The following SULF1 variants were observed in gnomAD, a reference collection of about 807,000 sequenced individuals.
SULF1 encodes extracellular sulfatase Sulf-1.
In SULF1, 46 loss-of-function variants were observed where a neutral mutation model predicts 110.5. That is an observed-to-expected ratio of 0.42 (90% confidence interval 0.33 to 0.53). The LOEUF (loss-of-function observed/expected upper bound fraction) is 0.53, where lower values mean the gene tolerates loss of function less well. Ranked by LOEUF, SULF1 falls within the 20% of genes least tolerant of loss-of-function variation. The probability of loss-of-function intolerance (pLI) is 0.12; values close to 1 mark genes in which losing one functional copy is unlikely to be tolerated. For synonymous variants in SULF1, 371 were observed against 387.1 expected, an observed-to-expected ratio of 0.96 and a Z score of 0.49; for missense variants, 941 against 1,094.2, an observed-to-expected ratio of 0.86 and a Z score of 1.98.
chr8:69,497,314 C>T (rs945862805), intron 2 of SULF1, among the ~76,000 whole-genome samples: 1 of 151,898 alleles, frequency 6.6e-6, no homozygotes, highest in African/African-American at 2.4e-5. Flanking sequence ...CCTGCCACCA[C>T]GCCTGGCTAA....
intron 22 of SULF1, among the ~76,000 whole-genome samples, chr8:69,653,889 C>A (rs1812532148): frequency 1.3e-5 from 2 of 152,138 alleles, no homozygotes; most frequent in South Asian, 2.1e-4. Flanking sequence ...TGCCCTAGTC[C>A]CCTGGCCATG....
At chr8:69,644,990 G>T (rs1175940386) in intron 22 of SULF1, among the ~76,000 whole-genome samples, 3 of 152,158 alleles carry the variant, frequency 2.0e-5, no homozygotes, top group African/African-American at 4.8e-5. Flanking sequence ...AACAAGAGAT[G>T]GAGCAGGGGC....
chr8:69,530,875 C>T (rs1813033452), intron 3 of SULF1, among the ~76,000 whole-genome samples: 2 of 152,150 alleles, frequency 1.3e-5, no homozygotes, highest in Admixed American at 6.5e-5. Flanking sequence ...GTGTCCTGCA[C>T]AAGTGGATGC....
intron 1 of SULF1, among the ~76,000 whole-genome samples, chr8:69,485,075 G>A (rs925406586): frequency 6.6e-6 from 1 of 152,180 alleles, no homozygotes; most frequent in African/African-American, 2.4e-5. Flanking sequence ...CAGTTGGAGG[G>A]AAGATGGGAG....
intron 8 of SULF1, among the ~76,000 whole-genome samples, chr8:69,598,641 C>G (rs1484718676): frequency 2.6e-5 from 4 of 152,216 alleles, no homozygotes; most frequent in Admixed American, 2.6e-4. Context: ...ATTCACCCGC[C>G]TGGGCCTTCC....
chr8:69,653,634 C>A (rs1755044456), intron 22 of SULF1, among the ~76,000 whole-genome samples: 1 of 152,172 alleles, frequency 6.6e-6, no homozygotes, highest in Admixed American at 6.5e-5. Context: ...TGATTGATTG[C>A]ATCATTGGCC....
chr8:69,638,565 A>C lies in SULF1; in HGVS notation c.2348A>C (p.Asn783Thr), dbSNP rs752521935. 3 of 1,614,134 alleles carry C rather than the reference A, an allele frequency of 1.9e-6. No homozygotes were observed. The highest frequency in any genetic ancestry group is 2.2e-5 in the South Asian group (2 of 91,074). ...NNTYWCLRTV[N>T]ETHNFLFCEF... ...ACCTACTGGTGTTTGCGTACAGTTA[A>C]TGAGACGCATAATTTTCTTTTCTGT... The change falls in exon 20 of 23, where the codon AAT becomes ACT. Residue 783 changes from asparagine (N) to threonine (T), a missense_variant. Physicochemically the swap from Asn to Thr is moderately conservative, Grantham distance 65 (BLOSUM62 0). Coordinates refer to ENST00000402687, the MANE Select transcript of SULF1 (RefSeq NM_001128205.2).
At chr8:69,525,897 CT>C (rs1281737355) in intron 3 of SULF1, among the ~76,000 whole-genome samples, 3 of 152,116 alleles carry the variant, frequency 2.0e-5, no homozygotes, top group Non-Finnish European at 4.4e-5. Context: ...GAGACTGCCT[CT>C]TTAGAGGTTG....
chr8:69,612,985 T>G (rs1245501460), intron 13 of SULF1, among the ~76,000 whole-genome samples: 1 of 152,188 alleles, frequency 6.6e-6, no homozygotes, highest in Non-Finnish European at 1.5e-5. Flanking sequence ...TTTATAGTTT[T>G]GGGTCTTAGA....
chr8:69,498,417 T>G (rs1810534428), intron 2 of SULF1, among the ~76,000 whole-genome samples: 2 of 152,194 alleles, frequency 1.3e-5, no homozygotes, highest in South Asian at 4.1e-4. Flanking sequence ...ACTCAGATCC[T>G]GACTGTCCTT....
intron 8 of SULF1, among the ~76,000 whole-genome samples, chr8:69,595,127 A>C (rs1339385097): frequency 2.6e-5 from 4 of 152,240 alleles, no homozygotes; most frequent in Non-Finnish European, 4.4e-5. Flanking sequence ...AGACACCTAG[A>C]GATACTACAA....
chr8:69,525,262 A>G (rs1462456674), intron 3 of SULF1, among the ~76,000 whole-genome samples: 2 of 152,182 alleles, frequency 1.3e-5, no homozygotes, highest in Non-Finnish European at 2.9e-5. Flanking sequence ...ATCTGAGCTC[A>G]CAGATGCCCA....
At chr8:69,586,746 A>C (rs1806493551) in intron 7 of SULF1, among the ~76,000 whole-genome samples, 1 of 152,132 alleles carries the variant, frequency 6.6e-6, no homozygotes, top group South Asian at 2.1e-4. Flanking sequence ...TGAAAGTATC[A>C]TCAAGAAAAT....
intron 3 of SULF1, among the ~76,000 whole-genome samples, chr8:69,511,408 A>G (rs1406453963): frequency 1.3e-5 from 2 of 152,202 alleles, no homozygotes; most frequent in Non-Finnish European, 2.9e-5. Context: ...GACTTTTAAG[A>G]TTCAGTGGGT....
rs781072425 is a variant in SULF1 at position 69,589,070 on chromosome 8, C to T, written c.663C>T (p.His221=). The stretch of plus-strand genomic sequence containing the variant: ...GGCCCGTTATGATGGTGATCAGCCA[C>T]GCTGCGCCCCACGGCCCCGAGGACT... ...PHRPVMMVIS[H]AAPHGPEDSA... The change falls in exon 8 of 23, where the codon CAC becomes CAT. Residue 221 remains histidine (H), a synonymous_variant. Coordinates refer to ENST00000402687, the MANE Select transcript of SULF1 (RefSeq NM_001128205.2). 16 of 1,614,072 alleles carry T rather than the reference C, an allele frequency of 9.9e-6. No individual in the cohort carries two copies. The highest frequency in any genetic ancestry group is 5.0e-5 in the Admixed American group (3 of 60,008).
At chr8:69,588,026 T>C (rs149397299) in intron 7 of SULF1, among the ~76,000 whole-genome samples, 73 of 152,320 alleles carry the variant, frequency 4.8e-4, no homozygotes, top group Non-Finnish European at 4.6e-4. Context: ...GGTCCTTAAA[T>C]CCACAACATG....
chr8:69,468,237 A>C (rs1299480112), intron 1 of SULF1, among the ~76,000 whole-genome samples: 2 of 152,182 alleles, frequency 1.3e-5, no homozygotes, highest in Non-Finnish European at 2.9e-5. Flanking sequence ...TCTATGAATA[A>C]TATTGTATAT....
At chr8:69,536,622 T>TAATC (rs1403774235) in intron 3 of SULF1, among the ~76,000 whole-genome samples, 1 of 152,194 alleles carries the variant, frequency 6.6e-6, no homozygotes, top group East Asian at 1.9e-4. Flanking sequence ...CATTTTAAAA[T>TAATC]AATCACTTAA....
rs1455316642 is a variant in SULF1, at chr8:69,586,402, C to A, written c.458C>A (p.Pro153His). The change falls in exon 7 of 23, where the codon CCC becomes CAC. Residue 153 changes from proline (P) to histidine (H), a missense_variant. Pro to His is a moderately conservative substitution (Grantham distance 77). This residue lies in a region of SULF1 where 822 missense variants were observed against 934.3 expected (regional missense o/e 0.88). Coordinates refer to ENST00000402687, the MANE Select transcript of SULF1 (RefSeq NM_001128205.2). ...AATGAATATAATGGCAGCTACATCC[C>A]CCCTGGGTGGCGAGAATGGCTTGGA... ...YLNEYNGSYI[P>H]PGWREWLGLI... 10 of 1,609,278 alleles carry A rather than the reference C, an allele frequency of 6.2e-6. No homozygotes were observed. The highest frequency in any genetic ancestry group is 1.3e-5 in the African/African-American group (1 of 74,814).
Sources: allele counts gnomAD v4.1 joint callset (sites outside exome capture counted in the v4.1 genomes callset), GRCh38; gene constraint gnomAD v4.1.1; regional missense constraint gnomAD v4.1.1; transcripts MANE v1.5; gene names NCBI Gene and HGNC (gene_info 2026-07-23, HGNC 2026-07-21).